Variants in GPHN observed in about 807,000 individuals in gnomAD.
GPHN encodes the protein gephyrin.
A neutral mutation model predicts 95.5 loss-of-function variants in GPHN; 17 were observed. The observed-to-expected ratio is 0.18, with a 90% confidence interval of 0.12 to 0.27. The LOEUF (loss-of-function observed/expected upper bound fraction) is 0.27. GPHN is among the 10% of genes least tolerant of loss of function. GPHN has a pLI of 1.00. For missense variants in GPHN, 660 were observed against 978.1 expected (o/e 0.67, Z 4.34); for synonymous variants, 320 against 322.5 (o/e 0.99, Z 0.08).
chr14:67,224,259 CTTTTTTTT>C, the GPHN span, among the ~76,000 whole-genome samples: 75 of 134,800 alleles, frequency 5.6e-4, no homozygotes, highest in Non-Finnish European at 1.0e-3. Context: ...TCTCTCTTTT[CTTTTTTTT>C]TTTTTTTTTG....
At chr14:66,810,081 TATATA>T (rs1313112067) in intron 3 of GPHN, among the ~76,000 whole-genome samples, 3 of 152,004 alleles carry the variant, frequency 2.0e-5, no homozygotes, top group East Asian at 3.8e-4. Flanking sequence ...TACTAATTAT[TATATA>T]ATATATTTAC....
At chr14:67,315,906 C>T in the GPHN span, among the ~76,000 whole-genome samples, 6 of 152,240 alleles carry the variant, frequency 3.9e-5, no homozygotes, top group African/African-American at 1.4e-4. Flanking sequence ...GCCTGGGTGA[C>T]AGAGCGAGAC....
the GPHN span, among the ~76,000 whole-genome samples, chr14:67,202,329 T>C: frequency 2.0e-5 from 3 of 151,982 alleles, no homozygotes; most frequent in African/African-American, 7.3e-5. Context: ...TAATCCCAGC[T>C]ACTTGGGAGG....
chr14:67,578,827 G>A, the GPHN span, among the ~76,000 whole-genome samples: 1 of 151,514 alleles, frequency 6.6e-6, no homozygotes, highest in Non-Finnish European at 1.5e-5. The surrounding 1 kb of genome is among the most constrained non-coding windows in gnomAD (Gnocchi z 5.0). Flanking sequence ...TTCTCTGCAC[G>A]CCAATCCATG....
At chr14:67,321,657 G>T in the GPHN span, among the ~76,000 whole-genome samples, 1 of 151,906 alleles carries the variant, frequency 6.6e-6, no homozygotes, top group Admixed American at 6.6e-5. Flanking sequence ...TTTTTCCTGG[G>T]GATATTGAAT....
intron 10 of GPHN, among the ~76,000 whole-genome samples, chr14:67,037,076 A>G (rs2074457350): frequency 6.6e-6 from 1 of 152,060 alleles, no homozygotes; most frequent in African/African-American, 2.4e-5. Context: ...GAACTGGCAT[A>G]AAGACAGACA....
chr14:67,061,163 T>A (rs1365434182), intron 11 of GPHN, among the ~76,000 whole-genome samples: 1 of 152,178 alleles, frequency 6.6e-6, no homozygotes, highest in Admixed American at 6.5e-5. Context: ...TGCCTCAGCC[T>A]CCTGAGTACC....
chr14:66,571,639 C>A (rs968221178), intron 1 of GPHN, among the ~76,000 whole-genome samples: 2 of 152,008 alleles, frequency 1.3e-5, no homozygotes, highest in East Asian at 3.9e-4. Flanking sequence ...GGTGAAACCG[C>A]GTCTCTACTA....
At chr14:66,943,723 T>A (rs1347919824) in intron 8 of GPHN, among the ~76,000 whole-genome samples, 2 of 152,184 alleles carry the variant, frequency 1.3e-5, no homozygotes, top group Admixed American at 1.3e-4. Context: ...TTAGAGCTCT[T>A]TTTATAGGCA....
intron 1 of GPHN, among the ~76,000 whole-genome samples, chr14:66,521,201 T>C (rs531766893): frequency 6.6e-6 from 1 of 152,330 alleles, no homozygotes; most frequent in South Asian, 2.1e-4. Context: ...GAATGATTTC[T>C]ATTTCTCTGG....
chr14:67,210,442 C>G, the GPHN span, among the ~76,000 whole-genome samples: 1 of 151,012 alleles, frequency 6.6e-6, no homozygotes, highest in Non-Finnish European at 1.5e-5. Flanking sequence ...AGAAGAAGAA[C>G]AAAGAAAAAA....
the GPHN span, chr14:67,571,834 G>T: frequency 1.9e-6 from 3 of 1,613,884 alleles, no homozygotes; most frequent in Non-Finnish European, 2.5e-6. Flanking sequence ...GCGAGTTTCC[G>T]AATCTCGGTC....
chr14:66,868,963 T>C (rs979956293), intron 4 of GPHN, among the ~76,000 whole-genome samples: 9 of 152,182 alleles, frequency 5.9e-5, no homozygotes, highest in Non-Finnish European at 1.3e-4. Flanking sequence ...TGGAAAAATA[T>C]TTAGACGTCA....
the GPHN span, among the ~76,000 whole-genome samples, chr14:67,555,657 T>A: frequency 6.6e-6 from 1 of 152,180 alleles, no homozygotes; most frequent in African/African-American, 2.4e-5. Flanking sequence ...ATTAGGGAGC[T>A]GAGAGTTGCC....
chr14:67,319,057 CAAAAA>C, the GPHN span, among the ~76,000 whole-genome samples: 1 of 114,092 alleles, frequency 8.8e-6, no homozygotes, highest in African/African-American at 2.9e-5. Context: ...GACTCCGTCT[CAAAAA>C]AAAAAAAAAA....
At chr14:67,367,149 C>G in the GPHN span, among the ~76,000 whole-genome samples, 4,610 of 152,282 alleles carry the variant, frequency 0.03, 86 homozygotes, top group Non-Finnish European at 0.036. Context: ...AAAATCTGAA[C>G]AGATTTCAGT....
At chr14:66,928,659 G>T (rs1240070530) in intron 8 of GPHN, among the ~76,000 whole-genome samples, 2 of 151,946 alleles carry the variant, frequency 1.3e-5, no homozygotes, top group African/African-American at 4.8e-5. Context: ...GTGCTTATTG[G>T]TATAAACTTT....
the GPHN span, among the ~76,000 whole-genome samples, chr14:67,537,922 A>G: frequency 2.6e-5 from 4 of 152,208 alleles, no homozygotes; most frequent in Non-Finnish European, 5.9e-5. Flanking sequence ...AGCAGGTATC[A>G]AGACTATGGC....
the GPHN span, among the ~76,000 whole-genome samples, chr14:67,206,125 A>G: frequency 6.6e-6 from 1 of 152,130 alleles, no homozygotes; most frequent in East Asian, 1.9e-4. Flanking sequence ...CAGAAGGTGC[A>G]GTGAGCCGAG....
Sources: allele counts gnomAD v4.1 joint callset (sites outside exome capture counted in the v4.1 genomes callset), GRCh38; gene constraint gnomAD v4.1.1; non-coding constraint Gnocchi (gnomAD v3.1); transcripts MANE v1.5; gene names NCBI Gene and HGNC (gene_info 2026-07-23, HGNC 2026-07-21).